Variants in ADGRE1 observed in about 807,000 individuals in gnomAD.
ADGRE1 encodes the protein EGF-like module receptor 1.
In ADGRE1, 82 loss-of-function variants were observed where a neutral mutation model predicts 102.7. The observed-to-expected ratio is 0.80, with a 90% CI of 0.67 to 0.96. ADGRE1 has a LOEUF of 0.96. ADGRE1 is among the 40% of genes least tolerant of loss of function. ADGRE1 has a pLI of 0.00. For synonymous variants in ADGRE1, 398 were observed against 399.6 expected (o/e 1.00, Z 0.05); for missense variants, 1,032 against 1,085.3 (o/e 0.95, Z 0.69).
rs34176643 is a variant in ADGRE1 at position 6,887,613 on chromosome 19, G to T, written c.5G>T (p.Arg2Leu). 4,694 of 1,612,716 alleles carry T rather than the reference G, an allele frequency of 2.9e-3. 110 individuals are homozygous for T. In the African/African-American group the frequency reaches 0.052, roughly 18 times the overall value. ...GAATGACAGAACTACAGCATAATGC[G>T]TGGCTTCAACCTGCTCCTCTTCTGG... M[R>L]GFNLLLFWGC... The change falls in exon 1 of 21, where the codon CGT becomes CTT. Residue 2 changes from arginine to leucine, a missense_variant. Coordinates refer to ENST00000312053, the MANE Select transcript of ADGRE1 (RefSeq NM_001974.5).
Position 6,903,861 on chromosome 19 carries a change from C to G in ADGRE1, c.713C>G (p.Thr238Ser). ...MCPINSTCTN[T>S]PGSYFCTCHP... ...CCCATCAATTCAACATGCACCAACA[C>G]TCCTGGGAGCTACTTTTGCACCTGC... Residue 238 changes from threonine (T) to serine (S), a missense_variant, in exon 7 of 21, where the codon ACT becomes AGT. Transcript: ENST00000312053. The G allele has an allele frequency of 6.2e-7, 1 of 1,614,214 alleles. No homozygotes were observed.
intron 5 of ADGRE1, 159 bp downstream of exon 5, chr19:6,897,706 T>A: frequency 1.3e-6 from 1 of 746,652 alleles, no homozygotes; most frequent in Non-Finnish European, 1.9e-6. Context: ...TCTATCCCTT[T>A]ACTTTGAGCC....
chr19:6,890,560 G>A lies in ADGRE1; in HGVS notation c.94+17G>A, dbSNP rs762363187. 4 of 1,611,360 alleles carry A rather than the reference G, an allele frequency of 2.5e-6. No homozygotes were observed. The Admixed American group carries it at 5.1e-5, about 20-fold the overall frequency. ...ACACAAAGGGTAAGTTGGCCAGAGA[G>A]AATGCAGATGCCTGAAGGGGTAGAG... On this transcript the variant is annotated intron_variant, in intron 2 of 20. Coordinates refer to ENST00000312053, the MANE Select transcript of ADGRE1 (RefSeq NM_001974.5).
At chr19:6,897,929 C>T (rs1973625544) in intron 5 of ADGRE1, 1 of 177,936 alleles carries the variant, frequency 5.6e-6, no homozygotes, top group Non-Finnish European at 1.2e-5. Context: ...TTCCTTCCTT[C>T]CTTCCTTCCT....
Position 6,921,882 on chromosome 19 carries a change from CG to C in ADGRE1, c.1791+1del. 1 of 1,610,884 alleles carries C rather than the reference CG, an allele frequency of 6.2e-7. No homozygotes were observed. The highest frequency in any genetic ancestry group is 8.5e-7 in the Non-Finnish European group (1 of 1,178,590). On this transcript the variant is annotated frameshift_variant and splice_region_variant, in exon 14 of 21. Coordinates refer to ENST00000312053, the MANE Select transcript of ADGRE1 (RefSeq NM_001974.5). LOFTEE classifies it high-confidence loss of function. Reference sequence around the variant, plus strand: ...GTTATCATGGCGTCTGGGGAGCTCACGGTCAGTACTGATGATTTGTTCCCTG... The same window carrying C: ...GTTATCATGGCGTCTGGGGAGCTCACGTCAGTACTGATGATTTGTTCCCTG... ...LAVIMASGEL[T>X]MDFSLYIISH...
At chr19:6,939,275 G>A (rs1222099483) in intron 20 of ADGRE1, among the ~76,000 whole-genome samples, 1 of 152,074 alleles carries the variant, frequency 6.6e-6, no homozygotes, top group Non-Finnish European at 1.5e-5. Flanking sequence ...AGACAGTATA[G>A]GTATAGAACA....
rs1599759217 is a variant in ADGRE1 at position 6,926,246 on chromosome 19, T to C, written c.1987-120T>C. The C allele has an allele frequency of 7.1e-6, 7 of 989,330 alleles. No individual in the cohort carries two copies. The East Asian group carries it at 1.9e-4, about 26-fold the overall frequency. The allele number at this position is 989,330 out of a possible 1,614,324, so 61.3% of individuals were successfully genotyped here. On this transcript the variant is annotated intron_variant, in intron 15 of 20. Transcript: ENST00000312053. The stretch of plus-strand genomic sequence containing the variant: ...CACTGCACCTCTCTATAAATGTTTG[T>C]GAGATGAATGAGTGAGCTAGGTTTG...
intron 14 of ADGRE1, among the ~76,000 whole-genome samples, chr19:6,922,755 G>A (rs1363024756): frequency 2.6e-5 from 4 of 152,132 alleles, no homozygotes; most frequent in Non-Finnish European, 5.9e-5. Flanking sequence ...ATTTGGAAGA[G>A]AGGAAGGACA....
chr19:6,917,537 G>C (rs550308781), intron 12 of ADGRE1, among the ~76,000 whole-genome samples: 2 of 151,954 alleles, frequency 1.3e-5, no homozygotes, highest in Non-Finnish European at 2.9e-5. Context: ...TTGGGAGTTC[G>C]AGACCAGCCT....
chr19:6,897,728 T>C, intron 5 of ADGRE1, 181 bp downstream of exon 5: 1 of 564,436 alleles, frequency 1.8e-6, no homozygotes, highest in Non-Finnish European at 2.6e-6. Context: ...GTGGGTGTCT[T>C]TACATGCTAG....
Position 6,904,065 on chromosome 19 carries a change from AC to A in ADGRE1, c.834del (p.Cys279ValfsTer48). On this transcript the variant is annotated frameshift_variant, in exon 8 of 21. Coordinates refer to ENST00000312053, the MANE Select transcript of ADGRE1 (RefSeq NM_001974.5). LOFTEE classifies it high-confidence loss of function. ...TGATGAGTGCCGCCAAGATCCATCAACCTGTGGTCCTAATTCTATCTGCACC... is the reference window on the plus strand; with the variant it reads ...TGATGAGTGCCGCCAAGATCCATCAACTGTGGTCCTAATTCTATCTGCACC... Reference protein sequence around the residue: ...DIDECRQDPSTCGPNSICTNA... With the variant: ...DIDECRQDPSXCGPNSICTNA... The A allele has an allele frequency of 3.1e-6, 5 of 1,614,172 alleles. No individual in the cohort carries two copies. The highest frequency in any genetic ancestry group is 4.2e-6 in the Non-Finnish European group (5 of 1,180,030).
chr19:6,913,204 C>T (rs1974261095), intron 10 of ADGRE1, among the ~76,000 whole-genome samples: 1 of 151,626 alleles, frequency 6.6e-6, no homozygotes, highest in Non-Finnish European at 1.5e-5. Context: ...TTTCAGACAG[C>T]CTCTCTCACT....
rs566422130 is a variant in ADGRE1 at position 6,909,709 on chromosome 19, G to T, written c.1122+937G>T. 2.6e-5 allele frequency among the ~76,000 whole-genome samples: 4 copies of T among 151,702 alleles called. No homozygotes were observed. The South Asian group carries it at 8.4e-4, about 32-fold the overall frequency. ...TTCAGGGGGACAGAATTGGTTGGTG[G>T]TTTTTTTTGTTTGTTTGTTTTGTTT... On this transcript the variant is annotated intron_variant, in intron 10 of 20. Coordinates refer to ENST00000312053, the MANE Select transcript of ADGRE1 (RefSeq NM_001974.5).
rs190255980 is a variant in ADGRE1 at position 6,932,793 on chromosome 19, T to C, written c.2290-2194T>C. Among the ~76,000 whole-genome samples, 741 of 152,280 alleles carry C rather than the reference T, an allele frequency of 4.9e-3. 4 individuals are homozygous for C. The highest frequency in any genetic ancestry group is 8.1e-3 in the Non-Finnish European group (548 of 68,022). ...TTTCTACTTCCTTGAAATGCCAAGT[T>C]CTCCCCTCTAGACCTCTCTCATGGA... On this transcript the variant is annotated intron_variant, in intron 17 of 20. Transcript: ENST00000312053.
At chr19:6,922,621 C>CACACACACACACACACAA (rs1974718964) in intron 14 of ADGRE1, among the ~76,000 whole-genome samples, 1 of 100,526 alleles carries the variant, frequency 9.9e-6, no homozygotes, top group Non-Finnish European at 2.0e-5. Flanking sequence ...CTCACACACA[C>CACACACACACACACACAA]ACACACACAC....
intron 12 of ADGRE1, among the ~76,000 whole-genome samples, chr19:6,918,032 G>A (rs1974465971): frequency 6.6e-6 from 1 of 152,126 alleles, no homozygotes; most frequent in African/African-American, 2.4e-5. Flanking sequence ...GAGAAGACAG[G>A]TTCAAGGCAC....
At chr19:6,896,573 T>A in intron 3 of ADGRE1, 32 bp downstream of exon 3, 1 of 1,603,732 alleles carries the variant, frequency 6.2e-7, no homozygotes, top group East Asian at 2.2e-5. Flanking sequence ...CCATCCAGCA[T>A]TTGGTAGGAA....
At chr19:6,899,437 G>C (rs1973687434) in intron 5 of ADGRE1, among the ~76,000 whole-genome samples, 1 of 152,186 alleles carries the variant, frequency 6.6e-6, no homozygotes. Flanking sequence ...CCAGCACTTT[G>C]GGAGGCCAAG....
At chr19:6,916,395 G>T (rs1974386020) in intron 12 of ADGRE1, 27 bp downstream of exon 12, 1 of 1,602,888 alleles carries the variant, frequency 6.2e-7, no homozygotes, top group Non-Finnish European at 8.5e-7. Context: ...GAGAATGCAG[G>T]TTATGGTGTA....
Sources: allele counts gnomAD v4.1 joint callset (sites outside exome capture counted in the v4.1 genomes callset), GRCh38; gene constraint gnomAD v4.1.1; transcripts MANE v1.5; gene names NCBI Gene and HGNC (gene_info 2026-07-23, HGNC 2026-07-21).